Variants in NFIX observed in about 807,000 individuals in gnomAD.
NFIX encodes nuclear factor I X, also known as nuclear factor 1 X-type.
In NFIX, 2 loss-of-function variants were observed where a neutral mutation model predicts 53.3. The observed-to-expected ratio is 0.04, with a 90% CI of 0.02 to 0.12. NFIX has a LOEUF of 0.12. NFIX is among the 10% of genes least tolerant of loss of function. The pLI is 1.00. For synonymous variants in NFIX, 244 were observed against 289.0 expected (o/e 0.84, Z 1.58); for missense variants, 310 against 674.5 (o/e 0.46, Z 5.99).
Position 13,074,169 on chromosome 19 carries a change from C to T in NFIX, c.818+143C>T. 2 of 1,081,246 alleles carry T rather than the reference C, an allele frequency of 1.8e-6. 1 individual carries two copies. 67.0% of individuals were successfully genotyped at this position (1,081,246 alleles called of 1,614,324 possible). On this transcript the variant is annotated intron_variant, in intron 5 of 10. Transcript: ENST00000592199. ...CTCATTGAGGGCACTGGCTCTAACA[C>T]TTTAGAGTCCACCATGCGCAGTCAC... is the stretch of plus-strand genomic sequence containing the variant.
rs932275505 is a variant in NFIX, at chr19:13,097,951, CCGCA to C, written c.*3316_*3319del. On this transcript the variant is annotated 3_prime_UTR_variant, in exon 11 of 11. Transcript: ENST00000592199. ...CAGGTCGATTTGCCCAGGCCCGCGC[CCGCA>C]CGCACGCACGCACACGGCCCCGCAC... The C allele has an allele frequency of 7.1e-5, 11 of 154,632 alleles. No homozygotes were observed. The highest frequency in any genetic ancestry group is 2.0e-4 in the South Asian group (1 of 5,034). The allele number at this position is 154,632 out of a possible 1,614,324, so 9.6% of individuals were successfully genotyped here. A position where few individuals can be genotyped will look rare whatever the true frequency, so the allele number is the denominator to read the frequency against.
intron 1 of NFIX, among the ~76,000 whole-genome samples, chr19:13,008,720 C>G (rs989752078): frequency 2.0e-5 from 3 of 152,192 alleles, no homozygotes; most frequent in Non-Finnish European, 4.4e-5. Flanking sequence ...CTGCAGTCCT[C>G]CATGCTCTGA....
chr19:13,026,193 G>A (rs1443188950), intron 2 of NFIX, among the ~76,000 whole-genome samples: 2 of 152,162 alleles, frequency 1.3e-5, no homozygotes, highest in African/African-American at 4.8e-5. Context: ...TGATTTCATA[G>A]AGAGTGAAAA....
chr19:13,094,980 G>A lies in NFIX; in HGVS notation c.*331G>A, dbSNP rs1047274402. ...GAACTGCCTTCCTCCCCCTGACCCC[G>A]CCCCGGCCTTCTGGGGAAGGAACAA... On this transcript the variant is annotated 3_prime_UTR_variant, in exon 11 of 11. Transcript: ENST00000592199. The surrounding 1 kb of genome is among the most constrained non-coding windows in gnomAD (Gnocchi z 4.3). 1 of 298,344 alleles carries A rather than the reference G, an allele frequency of 3.4e-6. No individual in the cohort carries two copies. The highest frequency in any genetic ancestry group is 5.6e-5 in the South Asian group (1 of 17,882). The allele number at this position is 298,344 out of a possible 1,614,324, so 18.5% of individuals were successfully genotyped here.
rs1259439859 is a variant in NFIX, at chr19:13,022,703, CT to C, written c.28-2316del. 1.3e-5 allele frequency among the ~76,000 whole-genome samples: 2 copies of C among 152,118 alleles called. No individual in the cohort carries two copies. The highest frequency in any genetic ancestry group is 6.5e-5 in the Admixed American group (1 of 15,282). On this transcript the variant is annotated intron_variant, in intron 1 of 10. Coordinates refer to ENST00000592199, the MANE Select transcript of NFIX (RefSeq NM_001365902.3). This position sits in a 1 kb window ranked among gnomAD's most constrained non-coding sequence, Gnocchi z 4.5. ...GAAGGCGCAGCTGCTTCCCCAAGGC[CT>C]TCTGGGGCTCCCGCCCGCCAGCCCG...
Position 13,028,049 on chromosome 19 carries a change from G to A in NFIX, c.559+2497G>A, listed in dbSNP as rs903437170. Among the ~76,000 whole-genome samples the A allele has an allele frequency of 5.9e-5, 9 of 152,224 alleles. No individual in the cohort carries two copies. The highest frequency in any genetic ancestry group is 2.2e-4 in the African/African-American group (9 of 41,460). On this transcript the variant is annotated intron_variant, in intron 2 of 10. Coordinates refer to ENST00000592199, the MANE Select transcript of NFIX (RefSeq NM_001365902.3). This position sits in a 1 kb window ranked among gnomAD's most constrained non-coding sequence, Gnocchi z 4.2. Reference sequence around the variant, plus strand: ...ACTTGTTCCTCTTTGGAGTTGGGTTGGGTGGTCTTGAGATGGCACAGACCA... The same window carrying A: ...ACTTGTTCCTCTTTGGAGTTGGGTTAGGTGGTCTTGAGATGGCACAGACCA...
chr19:13,047,838 C>T (rs958783897), intron 2 of NFIX, among the ~76,000 whole-genome samples: 2 of 152,158 alleles, frequency 1.3e-5, no homozygotes, highest in Non-Finnish European at 2.9e-5. Context: ...AGACAGGCCC[C>T]TCTCTTTGTC....
intron 5 of NFIX, 91 bp downstream of exon 5, chr19:13,074,117 G>A: frequency 6.6e-7 from 1 of 1,518,022 alleles, no homozygotes; most frequent in Non-Finnish European, 9.0e-7. Flanking sequence ...TGTCACTGAG[G>A]CTAGGGTGCT....
chr19:13,074,155 C>A, intron 5 of NFIX, 129 bp downstream of exon 5: 2 of 1,228,416 alleles, frequency 1.6e-6, no homozygotes, highest in Non-Finnish European at 2.3e-6. Context: ...TCATTGAGGG[C>A]ACTGGCTCTA....
At chr19:13,077,280 C>T (rs2017166039) in intron 6 of NFIX, among the ~76,000 whole-genome samples, 1 of 152,218 alleles carries the variant, frequency 6.6e-6, no homozygotes, top group African/African-American at 2.4e-5. Context: ...CCTGCCATTT[C>T]TGCATTTCTG....
chr19:13,072,975 G>C lies in NFIX; in HGVS notation c.560-72G>C. ...TCCCTGCTCTTGCACCAGGCTGGAG[G>C]GGCCAATGCTTGGCTGGTGCTTATG... On this transcript the variant is annotated intron_variant, in intron 2 of 10. Coordinates refer to ENST00000592199, the MANE Select transcript of NFIX (RefSeq NM_001365902.3). This position sits in a 1 kb window ranked among gnomAD's most constrained non-coding sequence, Gnocchi z 4.0. The C allele has an allele frequency of 7.0e-7, 1 of 1,421,010 alleles. No individual in the cohort carries two copies. Among genetic ancestry groups the C allele is most frequent in the Non-Finnish European group, 1.0e-6 (1 of 1,004,146 alleles). The allele number at this position is 1,421,010 out of a possible 1,614,324, so 88.0% of individuals were successfully genotyped here. A position where few individuals can be genotyped will look rare whatever the true frequency, so the allele number is the denominator to read the frequency against.
rs2013291797 is a variant in NFIX at position 13,025,776 on chromosome 19, T to C, written c.559+224T>C. On this transcript the variant is annotated intron_variant, in intron 2 of 10. Transcript: ENST00000592199. The surrounding 1 kb of genome is among the most constrained non-coding windows in gnomAD (Gnocchi z 7.5). ...TTCCTCCTCTGCCCCCTGGCCATGG[T>C]ATCGACTTTGTGCATCTCCATCTTT... Among the ~76,000 whole-genome samples, 1 of 152,184 alleles carries C rather than the reference T, an allele frequency of 6.6e-6. No individual in the cohort carries two copies. The highest frequency in any genetic ancestry group is 6.5e-5 in the Admixed American group (1 of 15,282).
At position 13,073,867 on chromosome 19, in the gene NFIX, C is replaced by T. The variant is rs922693111; in HGVS notation, c.698-39C>T. 4 of 1,613,616 alleles carry T rather than the reference C, an allele frequency of 2.5e-6. No homozygotes were observed. The African/African-American group carries it at 4.0e-5, about 16-fold the overall frequency. ...AAGAAACAGACCCCATCAGGCCTCC[C>T]CCCACCTCCAAACCTCATCACCCTC... is the stretch of plus-strand genomic sequence containing the variant. On this transcript the variant is annotated intron_variant, in intron 4 of 10. Transcript: ENST00000592199. This position sits in a 1 kb window ranked among gnomAD's most constrained non-coding sequence, Gnocchi z 4.5.
rs1032906208 is a variant in NFIX, at chr19:13,088,735, C to T, written c.1402+599C>T. The stretch of plus-strand genomic sequence containing the variant: ...CTTTTTTTTTCCCCCCCTTCCATCC[C>T]TCTCCCGTCCCTTCTCCGCAATTCC... On this transcript the variant is annotated intron_variant, in intron 9 of 10. Coordinates refer to ENST00000592199, the MANE Select transcript of NFIX (RefSeq NM_001365902.3). The surrounding 1 kb of genome is among the most constrained non-coding windows in gnomAD (Gnocchi z 5.9). Among the ~76,000 whole-genome samples the T allele has an allele frequency of 1.3e-5, 2 of 152,054 alleles. No individual in the cohort carries two copies. The highest frequency in any genetic ancestry group is 4.8e-5 in the African/African-American group (2 of 41,380).
At position 13,061,689 on chromosome 19, in the gene NFIX, G is replaced by C. The variant is rs145678394; in HGVS notation, c.560-11358G>C. On this transcript the variant is annotated intron_variant, in intron 2 of 10. Coordinates refer to ENST00000592199, the MANE Select transcript of NFIX (RefSeq NM_001365902.3). The stretch of plus-strand genomic sequence containing the variant: ...TCAGGGAGCTATGAATGAGGAATTT[G>C]GCAGCTGTCAGTCGGAGGATCAGTG... Among the ~76,000 whole-genome samples, 150 of 152,354 alleles carry C rather than the reference G, an allele frequency of 9.8e-4. 1 individual carries two copies. The highest frequency in any genetic ancestry group is 6.8e-3 in the Middle Eastern group (2 of 294).
intron 1 of NFIX, among the ~76,000 whole-genome samples, chr19:13,007,682 C>T (rs976369202): frequency 8.5e-5 from 13 of 152,334 alleles, no homozygotes; most frequent in Admixed American, 7.2e-4. Context: ...CAAGGGACTT[C>T]GGAGGAACCG....
chr19:13,087,124 C>T (rs1244964093), intron 8 of NFIX, among the ~76,000 whole-genome samples: 2 of 152,202 alleles, frequency 1.3e-5, no homozygotes, highest in Non-Finnish European at 2.9e-5. Context: ...CTCCAAGGAA[C>T]CTGCCTGGGA....
In NFIX at chr19:13,012,583, C is replaced by G. The variant is rs945552227; in HGVS notation, c.28-12438C>G. On this transcript the variant is annotated intron_variant, in intron 1 of 10. Coordinates refer to ENST00000592199, the MANE Select transcript of NFIX (RefSeq NM_001365902.3). The surrounding 1 kb of genome is among the most constrained non-coding windows in gnomAD (Gnocchi z 5.0). ...TTTTTGCCTTAAGGCTAGTTTGTCCCCCAGGCGCGCGGGGGTTGGGGGTTC... is the reference window on the plus strand; with the variant it reads ...TTTTTGCCTTAAGGCTAGTTTGTCCGCCAGGCGCGCGGGGGTTGGGGGTTC... Among the ~76,000 whole-genome samples the G allele has an allele frequency of 1.3e-5, 2 of 152,174 alleles. No homozygotes were observed. Among genetic ancestry groups the G allele is most frequent in the Non-Finnish European group, 2.9e-5 (2 of 68,032 alleles).
Position 13,081,050 on chromosome 19 carries a change from A to G in NFIX, c.1079-630A>G, listed in dbSNP as rs1442400187. ...CACAGTGGCTCATGCCTGTAATCCC[A>G]GCACTTTGGGAGGCCAAGGCAGGCA... On this transcript the variant is annotated intron_variant, in intron 7 of 10. Transcript: ENST00000592199. The surrounding 1 kb of genome is among the most constrained non-coding windows in gnomAD (Gnocchi z 4.7). Among the ~76,000 whole-genome samples the G allele has an allele frequency of 1.3e-5, 2 of 150,426 alleles. No homozygotes were observed. Among genetic ancestry groups the G allele is most frequent in the African/African-American group, 4.9e-5 (2 of 40,780 alleles).
Sources: allele counts gnomAD v4.1 joint callset (sites outside exome capture counted in the v4.1 genomes callset), GRCh38; gene constraint gnomAD v4.1.1; non-coding constraint Gnocchi (gnomAD v3.1); transcripts MANE v1.5; gene names NCBI Gene and HGNC (gene_info 2026-07-23, HGNC 2026-07-21).